The following VWA3B variants were observed in gnomAD, a reference collection of about 807,000 sequenced individuals.
VWA3B encodes the protein von Willebrand factor A domain-containing protein 3B.
In VWA3B, 138 loss-of-function variants were observed where a neutral mutation model predicts 158.3. That is an observed-to-expected ratio of 0.87 (90% CI 0.76 to 1.00). VWA3B has a LOEUF of 1.00. Among genes scored for constraint, VWA3B ranks in the 50% least tolerant of loss-of-function variants. The pLI is 0.00. For synonymous variants in VWA3B, 596 were observed against 587.3 expected, an observed-to-expected ratio of 1.01 and a Z score of -0.21; for missense variants, 1,555 against 1,565.1, an observed-to-expected ratio of 0.99 and a Z score of 0.11.
intron 7 of VWA3B, among the ~76,000 whole-genome samples, chr2:98,156,885 G>T (rs1470938170): frequency 6.6e-6 from 1 of 151,952 alleles, no homozygotes; most frequent in Non-Finnish European, 1.5e-5. Context: ...GGTCTTTATG[G>T]TCTACTAGCC....
At chr2:98,148,515 C>T (rs1677353785) in intron 7 of VWA3B, among the ~76,000 whole-genome samples, 1 of 152,144 alleles carries the variant, frequency 6.6e-6, no homozygotes, top group African/African-American at 2.4e-5. Context: ...TTTTTATAGG[C>T]AACCATAAAA....
chr2:98,298,056 G>T (rs1264857946), intron 24 of VWA3B, 25 bp downstream of exon 24: 1 of 1,466,854 alleles, frequency 6.8e-7, no homozygotes. Context: ...ATGTGTTCTG[G>T]GGCCCCTTTT....
intron 8 of VWA3B, among the ~76,000 whole-genome samples, chr2:98,166,715 G>T (rs1330980251): frequency 6.6e-6 from 1 of 151,624 alleles, no homozygotes; most frequent in Non-Finnish European, 1.5e-5. Context: ...AGAAGGTCTT[G>T]GATGTTATTC....
intron 12 of VWA3B, among the ~76,000 whole-genome samples, chr2:98,198,980 G>C (rs761363435): frequency 6.6e-6 from 1 of 151,982 alleles, no homozygotes; most frequent in African/African-American, 2.4e-5. Flanking sequence ...CCAGCTACTC[G>C]GGAGGCTGAG....
the VWA3B span, among the ~76,000 whole-genome samples, chr2:98,319,908 A>ACT: frequency 5.2e-3 from 705 of 136,284 alleles, 2 homozygotes; most frequent in African/African-American, 0.018. Flanking sequence ...ACACACACAC[A>ACT]CTCACACAAC....
chr2:98,092,843 T>C (rs1271440815), intron 1 of VWA3B, among the ~76,000 whole-genome samples: 5 of 135,906 alleles, frequency 3.7e-5, no homozygotes, highest in South Asian at 4.8e-4. Context: ...TATATATATA[T>C]ATATATATAT....
chr2:98,107,644 T>G lies in VWA3B; in HGVS notation c.197-8008T>G, dbSNP rs188046257. Among the ~76,000 whole-genome samples the G allele has an allele frequency of 1.8e-3, 269 of 152,242 alleles. 1 individual carries two copies. Among genetic ancestry groups the G allele is most frequent in the African/African-American group, 6.1e-3 (252 of 41,594 alleles). On this transcript the variant is annotated intron_variant, in intron 2 of 27. Coordinates refer to ENST00000477737, the MANE Select transcript of VWA3B (RefSeq NM_144992.5). ...GAGGATTTAATTCATTTCATCCAAG[T>G]TGTCTAATTTGTGAGGAGTTTGTAG...
chr2:98,195,302 T>C (rs1314463433), intron 12 of VWA3B, among the ~76,000 whole-genome samples: 1 of 152,164 alleles, frequency 6.6e-6, no homozygotes, highest in Non-Finnish European at 1.5e-5. Context: ...AAGGCAAATA[T>C]GTATCAGAAA....
intron 22 of VWA3B, among the ~76,000 whole-genome samples, chr2:98,272,261 C>T (rs1197451961): frequency 2.0e-5 from 3 of 152,210 alleles, no homozygotes; most frequent in Non-Finnish European, 2.9e-5. Flanking sequence ...GATTAATTTG[C>T]GTGAGTGGCA....
intron 22 of VWA3B, among the ~76,000 whole-genome samples, chr2:98,289,031 T>C (rs1263616997): frequency 6.6e-6 from 1 of 152,224 alleles, no homozygotes; most frequent in African/African-American, 2.4e-5. Context: ...TAAATATTGT[T>C]CAATACTGGG....
At chr2:98,268,390 G>A (rs1417143155) in intron 21 of VWA3B, among the ~76,000 whole-genome samples, 1 of 152,102 alleles carries the variant, frequency 6.6e-6, no homozygotes, top group Non-Finnish European at 1.5e-5. Context: ...TTCAATATAT[G>A]CAAATCAATA....
intron 7 of VWA3B, among the ~76,000 whole-genome samples, chr2:98,134,628 T>C (rs1676127136): frequency 6.6e-6 from 1 of 151,728 alleles, no homozygotes. Flanking sequence ...CCCTGTTCGA[T>C]TGTTGGATGA....
intron 7 of VWA3B, among the ~76,000 whole-genome samples, chr2:98,138,746 C>G (rs1378039094): frequency 6.6e-6 from 1 of 152,206 alleles, no homozygotes; most frequent in African/African-American, 2.4e-5. Context: ...TGGTCAGAAT[C>G]CCAGGGCCCC....
intron 14 of VWA3B, among the ~76,000 whole-genome samples, chr2:98,222,601 C>A (rs4479470): frequency 0.57 from 86,801 of 151,850 alleles, 25,288 homozygotes; most frequent in South Asian, 0.81. Flanking sequence ...AAGGGCTCTC[C>A]TACCCTACCC....
intron 8 of VWA3B, among the ~76,000 whole-genome samples, chr2:98,179,820 TTCTTTCTTTTTCTTTCTTTCTTTCTC>T: frequency 7.0e-6 from 1 of 142,904 alleles, no homozygotes; most frequent in African/African-American, 2.6e-5. Context: ...CTTTCTTTCT[TTCTTTCTTTTTCTTTCTTTCTTTCTC>T]TCTTTTTCTT....
intron 23 of VWA3B, among the ~76,000 whole-genome samples, chr2:98,296,072 G>A (rs570862978): frequency 1.7e-4 from 26 of 152,350 alleles, no homozygotes; most frequent in Admixed American, 1.7e-3. Context: ...AAAGAAGAAA[G>A]TCAGTGATAA....
chr2:98,108,510 G>T (rs1673853884), intron 2 of VWA3B, among the ~76,000 whole-genome samples: 1 of 151,968 alleles, frequency 6.6e-6, no homozygotes, highest in Non-Finnish European at 1.5e-5. Context: ...GTTTTTTGTT[G>T]CAAATATTTT....
At chr2:98,099,171 T>C (rs1430176002) in intron 2 of VWA3B, 1 of 152,142 alleles carries the variant, frequency 6.6e-6, no homozygotes, top group Non-Finnish European at 1.5e-5. Flanking sequence ...ACTTAGTGAG[T>C]TTTATACTTT....
At chr2:98,293,123 AC>A (rs1383482821) in intron 23 of VWA3B, among the ~76,000 whole-genome samples, 1 of 152,072 alleles carries the variant, frequency 6.6e-6, no homozygotes, top group Non-Finnish European at 1.5e-5. Context: ...AATTCTAAAG[AC>A]CTACTGGGGG....
Sources: allele counts gnomAD v4.1 joint callset (sites outside exome capture counted in the v4.1 genomes callset), GRCh38; gene constraint gnomAD v4.1.1; transcripts MANE v1.5; gene names NCBI Gene and HGNC (gene_info 2026-07-23, HGNC 2026-07-21).